The following MEP1B variants were observed in gnomAD, a reference collection of about 807,000 sequenced individuals.
The protein encoded by MEP1B is meprin A subunit beta.
MEP1B carries 80 observed loss-of-function variants against 84.6 expected under a neutral mutation model. The ratio of observed to expected loss-of-function variants is 0.95; its 90% CI spans 0.79 to 1.14. The LOEUF is 1.14. MEP1B is among the 50% of genes most tolerant of loss of function. The probability of loss-of-function intolerance (pLI) is 0.00; values close to 1 mark genes in which losing one functional copy is unlikely to be tolerated. For synonymous variants in MEP1B, 273 were observed against 288.1 expected (o/e 0.95, Z 0.53); for missense variants, 766 against 855.1 (o/e 0.90, Z 1.30).
chr18:32,194,919 A>G (rs572944198), intron 4 of MEP1B, among the ~76,000 whole-genome samples: 1 of 152,284 alleles, frequency 6.6e-6, no homozygotes, highest in Non-Finnish European at 1.5e-5. Context: ...ATTCTCTAGG[A>G]CAATATTCAA....
At chr18:32,201,303 C>T (rs955391014) in intron 5 of MEP1B, among the ~76,000 whole-genome samples, 1 of 145,094 alleles carries the variant, frequency 6.9e-6, no homozygotes, top group Non-Finnish European at 1.5e-5. Flanking sequence ...TGTAGATACA[C>T]ACACACACAC....
intron 4 of MEP1B, 112 bp from the exon 5 acceptor site, chr18:32,195,290 AATTTG>A (rs1225958025): frequency 3.9e-5 from 25 of 639,588 alleles, no homozygotes; most frequent in Non-Finnish European, 6.4e-5. Context: ...ACACACACAC[AATTTG>A]TTTGTGCGAA....
chr18:32,210,402 T>G (rs2041012400), intron 9 of MEP1B, 99 bp from the exon 10 acceptor site: 1 of 977,890 alleles, frequency 1.0e-6, no homozygotes, highest in Non-Finnish European at 1.5e-6. Flanking sequence ...ATATGGATGT[T>G]ACTTATGCCT....
intron 7 of MEP1B, among the ~76,000 whole-genome samples, chr18:32,205,886 A>G (rs1003012880): frequency 3.9e-5 from 6 of 152,242 alleles, no homozygotes; most frequent in African/African-American, 1.4e-4. Flanking sequence ...TAACATAGCC[A>G]TCACCTCACT....
rs769913127 is a variant in MEP1B at position 32,217,808 on chromosome 18, A to G, written c.1934A>G (p.Lys645Arg). The G allele has an allele frequency of 7.1e-5, 115 of 1,613,716 alleles. 1 individual carries two copies. The highest frequency in any genetic ancestry group is 6.7e-4 in the East Asian group (30 of 44,856). ...DWWYMGERCE[K>R]RGSTRDTIVI... ...TGGTACATGGGAGAAAGGTGTGAAA[A>G]GAGAGGCTCCACCCGAGACACCATA... The change falls in exon 14 of 15, where the codon AAG becomes AGG. Residue 645 changes from lysine to arginine, a missense_variant. Transcript: ENST00000269202.
rs1295820535 is a variant in MEP1B, at chr18:32,198,889, AAG to A, written c.250+3408_250+3409del. 4.6e-5 allele frequency among the ~76,000 whole-genome samples: 7 copies of A among 152,088 alleles called. No individual in the cohort carries two copies. The East Asian group carries it at 1.4e-3, about 29-fold the overall frequency. Reference sequence around the variant, plus strand: ...ACTGAGGAAATTCAGAGAAAGAATTAAGAGATTCCTAACCAAGATAAATCTAA... The same window carrying A: ...ACTGAGGAAATTCAGAGAAAGAATTAAGATTCCTAACCAAGATAAATCTAA... On this transcript the variant is annotated intron_variant, in intron 5 of 14. Coordinates refer to ENST00000269202, the MANE Select transcript of MEP1B (RefSeq NM_005925.3).
chr18:32,208,601 A>C (rs2040990616), intron 9 of MEP1B, among the ~76,000 whole-genome samples: 2 of 152,336 alleles, frequency 1.3e-5, no homozygotes, highest in African/African-American at 4.8e-5. Flanking sequence ...AGTTTGCAGA[A>C]TACAAGAGAC....
At chr18:32,193,040 C>T (rs556023427) in intron 4 of MEP1B, among the ~76,000 whole-genome samples, 3 of 152,212 alleles carry the variant, frequency 2.0e-5, no homozygotes, top group South Asian at 4.2e-4. Flanking sequence ...GTTCAAGCCA[C>T]CATAACTCAT....
rs1019552711 is a variant in MEP1B at position 32,202,953 on chromosome 18, T to C, written c.311T>C (p.Ile104Thr). 6.2e-6 allele frequency: 10 copies of C among 1,612,914 alleles called. No homozygotes were observed. Among genetic ancestry groups the C allele is most frequent in the Non-Finnish European group, 8.5e-6 (10 of 1,179,530 alleles). Residue 104 changes from isoleucine (I) to threonine (T), a missense_variant, in exon 6 of 15, where the codon ATT becomes ACT. Coordinates refer to ENST00000269202, the MANE Select transcript of MEP1B (RefSeq NM_005925.3). ...GAACGTTATCGCCTTAAAACATGTA[T>C]TGACTTTAAGCCTTGGGCTGGAGAA... ...AFERYRLKTC[I>T]DFKPWAGETN...
chr18:32,217,761 G>T lies in MEP1B; in HGVS notation c.1887G>T (p.Arg629Ser), dbSNP rs370791573. 15 of 1,611,484 alleles carry T rather than the reference G, an allele frequency of 9.3e-6. No individual in the cohort carries two copies. In the African/African-American group the frequency reaches 1.6e-4, roughly 17 times the overall value. Residue 629 changes from arginine to serine, a missense_variant and splice_region_variant, in exon 14 of 15, where the codon AGG becomes AGT. Arg to Ser is a moderately radical substitution (Grantham distance 110). Coordinates refer to ENST00000269202, the MANE Select transcript of MEP1B (RefSeq NM_005925.3). The stretch of plus-strand genomic sequence containing the variant: ...TCTGAGTCATGCTCTCAACATGCAG[G>T]TGCCAGTCAGGGGAAGACTGGTGGT... ...CTVRDGKAEC[R>S]CQSGEDWWYM...
Position 32,196,716 on chromosome 18 carries a change from G to A in MEP1B, c.250+1231G>A. 1.6e-6 allele frequency: 1 copy of A among 637,038 alleles called. No individual in the cohort carries two copies. The allele number at this position is 637,038 out of a possible 1,614,324, so 39.5% of individuals were successfully genotyped here. ...GTGGGCGCCCTGCAGCAGGCTGAGG[G>A]CCAGGGACAGCTGCCTGCTGGTGAA... On this transcript the variant is annotated intron_variant, in intron 5 of 14. Transcript: ENST00000269202. The surrounding 1 kb of genome is among the most constrained non-coding windows in gnomAD (Gnocchi z 4.4).
chr18:32,205,443 C>T (rs184971333), intron 7 of MEP1B, among the ~76,000 whole-genome samples: 1 of 152,326 alleles, frequency 6.6e-6, no homozygotes, highest in Non-Finnish European at 1.5e-5. Flanking sequence ...ACAAGGTCCC[C>T]TGACACCACA....
intron 5 of MEP1B, among the ~76,000 whole-genome samples, chr18:32,197,624 C>T (rs146924700): frequency 4.6e-5 from 7 of 152,132 alleles, no homozygotes; most frequent in East Asian, 1.9e-4. Context: ...TTCACCATGT[C>T]GTACAGGCTG....
chr18:32,217,226 A>G (rs1375022688), intron 13 of MEP1B, 109 bp downstream of exon 13: 3 of 1,264,068 alleles, frequency 2.4e-6, no homozygotes, highest in Non-Finnish European at 3.2e-6. Context: ...GTTGATTCTC[A>G]TCTCACAGCC....
intron 5 of MEP1B, 131 bp downstream of exon 5, chr18:32,195,616 A>C (rs1322380275): frequency 3.6e-6 from 2 of 549,358 alleles, no homozygotes; most frequent in African/African-American, 1.9e-5. Flanking sequence ...GGCTATGTAC[A>C]TTTACTTTGA....
Position 32,207,438 on chromosome 18 carries a change from A to G in MEP1B, c.734A>G (p.Asp245Gly). The G allele has an allele frequency of 6.2e-7, 1 of 1,612,442 alleles. No individual in the cohort carries two copies. The highest frequency in any genetic ancestry group is 8.5e-7 in the Non-Finnish European group (1 of 1,179,086). ...CAACGAATGGATTTCAGTGACTCTG[A>G]TCTCCTAAAGTTGAATCAACTGTAT... ...IGQRMDFSDS[D>G]LLKLNQLYNC... The change falls in exon 8 of 15, where the codon GAT becomes GGT. Residue 245 changes from aspartate to glycine, a missense_variant. Asp to Gly is a moderately conservative substitution (Grantham distance 94). Coordinates refer to ENST00000269202, the MANE Select transcript of MEP1B (RefSeq NM_005925.3).
rs2041097441 is a variant in MEP1B at position 32,217,034 on chromosome 18, C to T, written c.1803C>T (p.Ala601=). ...CTACACAAATCCAGCTAACACCAGC[C>T]CCTAGTGTTCAAGACCTCTGCTCAA... The part of the protein sequence containing the change: ...LNSTQIQLTP[A]PSVQDLCSKT... Residue 601 remains alanine, a synonymous_variant, in exon 13 of 15, where the codon GCC becomes GCT. Coordinates refer to ENST00000269202, the MANE Select transcript of MEP1B (RefSeq NM_005925.3). 1.9e-6 allele frequency: 3 copies of T among 1,613,702 alleles called. No individual in the cohort carries two copies. Among genetic ancestry groups the T allele is most frequent in the Non-Finnish European group, 2.5e-6 (3 of 1,179,628 alleles).
Position 32,196,629 on chromosome 18 carries a change from C to T in MEP1B, c.250+1144C>T, listed in dbSNP as rs548315462. ...GTACTCCATCACCCTGTGCAGCACC[C>T]GCCTGATGTTGTCCAGCACGCCACC... On this transcript the variant is annotated intron_variant, in intron 5 of 14. Coordinates refer to ENST00000269202, the MANE Select transcript of MEP1B (RefSeq NM_005925.3). The surrounding 1 kb of genome is among the most constrained non-coding windows in gnomAD (Gnocchi z 4.4). 22 of 713,880 alleles carry T rather than the reference C, an allele frequency of 3.1e-5. No homozygotes were observed. The highest frequency in any genetic ancestry group is 2.5e-4 in the Middle Eastern group (1 of 3,958). The allele number at this position is 713,880 out of a possible 1,614,324, so 44.2% of individuals were successfully genotyped here.
At chr18:32,195,385 C>T (rs377046011) in intron 4 of MEP1B, 22 bp from the exon 5 acceptor site, 2 of 1,527,876 alleles carry the variant, frequency 1.3e-6, no homozygotes, top group South Asian at 2.3e-5. Flanking sequence ...TTAACTAGCC[C>T]TTTTGCATTT....
Sources: allele counts gnomAD v4.1 joint callset (sites outside exome capture counted in the v4.1 genomes callset), GRCh38; gene constraint gnomAD v4.1.1; non-coding constraint Gnocchi (gnomAD v3.1); transcripts MANE v1.5; gene names NCBI Gene and HGNC (gene_info 2026-07-23, HGNC 2026-07-21).